The following DNAJC16 variants were observed in gnomAD, a reference collection of about 807,000 sequenced individuals.
DNAJC16 encodes dnaJ homolog subfamily C member 16.
Under a neutral mutation model 92.7 loss-of-function variants are expected in DNAJC16, and 76 were observed. The observed-to-expected ratio is 0.82, with a 90% CI of 0.68 to 0.99. The LOEUF is 0.99. Ranked by LOEUF, DNAJC16 falls within the 50% of genes least tolerant of loss-of-function variation. The pLI, the probability that DNAJC16 is intolerant of heterozygous loss-of-function variation, is 0.00. For missense variants in DNAJC16, 869 were observed against 942.4 expected, an observed-to-expected ratio of 0.92 and a Z score of 1.02; for synonymous variants, 328 against 358.7, an observed-to-expected ratio of 0.91 and a Z score of 0.97.
At chr1:15,535,063 A>G (rs1259851908) in intron 3 of DNAJC16, among the ~76,000 whole-genome samples, 1 of 152,266 alleles carries the variant, frequency 6.6e-6, no homozygotes, top group Non-Finnish European at 1.5e-5. Context: ...AATGCCCTTC[A>G]GCAGACAGTG....
intron 3 of DNAJC16, among the ~76,000 whole-genome samples, chr1:15,536,072 C>CTTTTT (rs758451008): frequency 1.8e-3 from 150 of 84,552 alleles, no homozygotes; most frequent in Middle Eastern, 6.0e-3. Flanking sequence ...CTTTTCTTTT[C>CTTTTT]TTTTTTTTTT....
chr1:15,567,328 C>T, intron 14 of DNAJC16, 59 bp downstream of exon 14: 3 of 1,533,608 alleles, frequency 2.0e-6, no homozygotes, highest in Non-Finnish European at 1.8e-6. Flanking sequence ...GGCAGGCACA[C>T]TGAAATTGCA....
At chr1:15,548,181 T>C in intron 6 of DNAJC16, 89 bp from the exon 7 acceptor site, 1 of 1,330,250 alleles carries the variant, frequency 7.5e-7, no homozygotes, top group Non-Finnish European at 1.0e-6. Flanking sequence ...TGTACCTCTC[T>C]GCTCAGTGAT....
At chr1:15,552,111 GTCC>G (rs1361769112) in intron 7 of DNAJC16, among the ~76,000 whole-genome samples, 1 of 151,862 alleles carries the variant, frequency 6.6e-6, no homozygotes, top group African/African-American at 2.4e-5. Context: ...GCCTCAAGTG[GTCC>G]TCCTGCCTGG....
chr1:15,529,565 T>G (rs528824838), intron 2 of DNAJC16, among the ~76,000 whole-genome samples: 1 of 152,170 alleles, frequency 6.6e-6, no homozygotes, highest in Non-Finnish European at 1.5e-5. Flanking sequence ...TTTAAAAAAA[T>G]GTATATATAG....
chr1:15,535,930 G>A (rs1457419872), intron 3 of DNAJC16, among the ~76,000 whole-genome samples: 1 of 149,850 alleles, frequency 6.7e-6, no homozygotes, highest in African/African-American at 2.5e-5. Context: ...ATGCCTGGCC[G>A]ATTTTTTTTT....
chr1:15,558,686 T>G (rs1487418222), intron 7 of DNAJC16, among the ~76,000 whole-genome samples: 2 of 152,204 alleles, frequency 1.3e-5, no homozygotes, highest in African/African-American at 4.8e-5. Flanking sequence ...GGTTTGCATT[T>G]TAAATGGAAT....
intron 5 of DNAJC16, 91 bp from the exon 6 acceptor site, chr1:15,546,676 C>A: frequency 9.8e-7 from 1 of 1,015,538 alleles, no homozygotes; most frequent in Non-Finnish European, 1.5e-6. Context: ...ATCTTTTACA[C>A]TTACTTGATT....
At chr1:15,528,835 TTTCTA>T (rs1262925561) in intron 1 of DNAJC16, among the ~76,000 whole-genome samples, 16 of 152,336 alleles carry the variant, frequency 1.1e-4, no homozygotes, top group African/African-American at 3.6e-4. Flanking sequence ...TTCTAAAGCT[TTTCTA>T]GTCAAAGTGT....
intron 3 of DNAJC16, among the ~76,000 whole-genome samples, chr1:15,536,072 C>CTTTTTTTTTTTTTTTTTTTTTTTTTTT (rs758451008): frequency 1.2e-5 from 1 of 84,572 alleles, no homozygotes; most frequent in African/African-American, 5.1e-5. Flanking sequence ...CTTTTCTTTT[C>CTTTTTTTTTTTTTTTTTTTTTTTTTTT]TTTTTTTTTT....
At chr1:15,528,522 G>T (rs1167412328) in intron 1 of DNAJC16, among the ~76,000 whole-genome samples, 1 of 152,154 alleles carries the variant, frequency 6.6e-6, no homozygotes, top group Non-Finnish European at 1.5e-5. Context: ...AGAAAGAATA[G>T]AATTGAGGCA....
rs1405913870 is a variant in DNAJC16, at chr1:15,529,075, T to C, written c.-18-13T>C. 6.2e-7 allele frequency: 1 copy of C among 1,609,026 alleles called. No homozygotes were observed. The highest frequency in any genetic ancestry group is 1.7e-5 in the Admixed American group (1 of 59,936). On this transcript the variant is annotated splice_polypyrimidine_tract_variant and intron_variant, in intron 1 of 14. Coordinates refer to ENST00000375847, the MANE Select transcript of DNAJC16 (RefSeq NM_015291.4). Reference sequence around the variant, plus strand: ...TCTGCCACTGAAACTCATTGCCTCTTCAATCATTTCAGCTCTGGAAAGGAA... The same window carrying C: ...TCTGCCACTGAAACTCATTGCCTCTCCAATCATTTCAGCTCTGGAAAGGAA...
Position 15,568,592 on chromosome 1 carries a change from C to G in DNAJC16, c.*415C>G, listed in dbSNP as rs1638873103. On this transcript the variant is annotated 3_prime_UTR_variant, in exon 15 of 15. Transcript: ENST00000375847. ...CCAGGTCATTGGCCCCTTCCCCAAT[C>G]CCGGCCCTGCTGTGCTGCTGCCATG... is the stretch of plus-strand genomic sequence containing the variant. 1 of 407,748 alleles carries G rather than the reference C, an allele frequency of 2.5e-6. No homozygotes were observed. Among genetic ancestry groups the G allele is most frequent in the Non-Finnish European group, 4.3e-6 (1 of 231,278 alleles). The allele number at this position is 407,748 out of a possible 1,614,324, so 25.3% of individuals were successfully genotyped here. A position where few individuals can be genotyped will look rare whatever the true frequency, so the allele number is the denominator to read the frequency against.
Position 15,567,983 on chromosome 1 carries a change from G to A in DNAJC16, c.2155G>A (p.Glu719Lys). The A allele has an allele frequency of 6.2e-7, 1 of 1,614,222 alleles. No individual in the cohort carries two copies. Among genetic ancestry groups the A allele is most frequent in the Non-Finnish European group, 8.5e-7 (1 of 1,180,034 alleles). Residue 719 changes from glutamate to lysine, a missense_variant, in exon 15 of 15, where the codon GAG (glutamate) becomes AAG (lysine). Physicochemically the swap from Glu to Lys is moderately conservative, Grantham distance 56. Coordinates refer to ENST00000375847, the MANE Select transcript of DNAJC16 (RefSeq NM_015291.4). The part of the protein sequence containing the change: ...CLFKPQKTVE[E>K]EEAIGSCSDV... ...CTTCAAGCCCCAAAAGACAGTCGAA[G>A]AGGAGGAAGCCATAGGGTCGTGCAG...
intron 4 of DNAJC16, among the ~76,000 whole-genome samples, 180 bp from the exon 5 acceptor site, chr1:15,544,219 T>C (rs902344008): frequency 2.7e-5 from 4 of 147,196 alleles, no homozygotes; most frequent in Non-Finnish European, 4.5e-5. Context: ...GCCAGATTGC[T>C]CTACAGAAAA....
intron 11 of DNAJC16, among the ~76,000 whole-genome samples, chr1:15,564,637 T>C (rs2103427798): frequency 6.6e-6 from 1 of 151,812 alleles, no homozygotes; most frequent in East Asian, 1.9e-4. Flanking sequence ...CAAGCAATTC[T>C]CCTGCCTCAG....
In DNAJC16 at chr1:15,568,873, C is replaced by CA. The variant is rs1227719227; in HGVS notation, c.*697dup. On this transcript the variant is annotated 3_prime_UTR_variant, in exon 15 of 15. Transcript: ENST00000375847. ...TGGCTGAAGCGATGCAGCCTTGAGACACGCTGTGAGCATCCCATCCGCCGC... is the reference window on the plus strand; with the variant it reads ...TGGCTGAAGCGATGCAGCCTTGAGACAACGCTGTGAGCATCCCATCCGCCGC... 1.5e-5 allele frequency: 6 copies of CA among 395,210 alleles called. No individual in the cohort carries two copies. Among genetic ancestry groups the CA allele is most frequent in the East Asian group, 1.1e-4 (3 of 26,960 alleles). 24.5% of individuals were successfully genotyped at this position (395,210 alleles called of 1,614,324 possible).
intron 4 of DNAJC16, among the ~76,000 whole-genome samples, chr1:15,539,766 G>A (rs1461745122): frequency 2.0e-5 from 3 of 151,276 alleles, no homozygotes; most frequent in African/African-American, 4.9e-5. Flanking sequence ...GGTGGCTCAC[G>A]CCTGTAATCA....
At chr1:15,531,074 A>G (rs1710649767) in intron 2 of DNAJC16, among the ~76,000 whole-genome samples, 1 of 152,218 alleles carries the variant, frequency 6.6e-6, no homozygotes, top group Admixed American at 6.5e-5. Flanking sequence ...GACCCTCTGC[A>G]TCAGTAGTCC....
Sources: gnomAD v4.1 joint callset for allele counts (sites outside exome capture counted in the v4.1 genomes callset) on GRCh38, gnomAD v4.1.1 for gene constraint, MANE v1.5 for transcripts, NCBI Gene and HGNC (gene_info 2026-07-23, HGNC 2026-07-21) for gene names.